NR6A1: variants seen among roughly 807,000 people sequenced by gnomAD.
The protein encoded by NR6A1 is nuclear receptor subfamily 6 group A member 1.
In NR6A1, 7 loss-of-function variants were observed where a neutral mutation model predicts 59.1. That is an observed-to-expected ratio of 0.12 (90% CI 0.07 to 0.22). The LOEUF is 0.22. NR6A1 is among the 10% of genes least tolerant of loss of function. The pLI is 1.00. For synonymous variants in NR6A1, 243 were observed against 236.1 expected (o/e 1.03, Z -0.27); for missense variants, 468 against 611.6 (o/e 0.77, Z 2.48).
At chr9:124,599,935 T>A (rs1835400012) in intron 2 of NR6A1, among the ~76,000 whole-genome samples, 1 of 152,244 alleles carries the variant, frequency 6.6e-6, no homozygotes, top group African/African-American at 2.4e-5. Context: ...AAATAGACGC[T>A]CTCAAAGATG....
At chr9:124,556,889 G>A (rs931467784) in intron 2 of NR6A1, among the ~76,000 whole-genome samples, 5 of 150,558 alleles carry the variant, frequency 3.3e-5, no homozygotes, top group Admixed American at 1.3e-4. Context: ...TTCGCAAACA[G>A]GGAAACAGGC....
intron 2 of NR6A1, among the ~76,000 whole-genome samples, chr9:124,573,755 T>C (rs1834514742): frequency 6.6e-6 from 1 of 152,130 alleles, no homozygotes; most frequent in Non-Finnish European, 1.5e-5. Context: ...ACATATACAA[T>C]GGAATAAGCA....
chr9:124,637,723 T>A (rs1836652211), intron 2 of NR6A1, among the ~76,000 whole-genome samples: 1 of 151,742 alleles, frequency 6.6e-6, no homozygotes, highest in South Asian at 2.1e-4. Context: ...AAACCCCATC[T>A]CTATTAAAAG....
At chr9:124,666,659 C>T (rs1837631418) in intron 2 of NR6A1, among the ~76,000 whole-genome samples, 1 of 152,122 alleles carries the variant, frequency 6.6e-6, no homozygotes, top group South Asian at 2.1e-4. Flanking sequence ...CAGAAAAATT[C>T]CTTTTGCCTG....
At chr9:124,568,169 C>CAAAAAAAAA (rs34652433) in intron 2 of NR6A1, among the ~76,000 whole-genome samples, 7 of 30,446 alleles carry the variant, frequency 2.3e-4, no homozygotes, top group African/African-American at 6.3e-4. Flanking sequence ...TACTTCATCT[C>CAAAAAAAAA]AAAAAAAAAA....
intron 2 of NR6A1, among the ~76,000 whole-genome samples, chr9:124,712,379 C>A (rs1034998256): frequency 1.8e-4 from 27 of 152,070 alleles, no homozygotes; most frequent in African/African-American, 6.3e-4. Flanking sequence ...GAGGCCGAGG[C>A]AAGGGGACCA....
intron 3 of NR6A1, among the ~76,000 whole-genome samples, chr9:124,547,832 A>G (rs1833645055): frequency 6.6e-6 from 1 of 152,212 alleles, no homozygotes; most frequent in Non-Finnish European, 1.5e-5. Flanking sequence ...ATTAAAAGAG[A>G]CTGAAAAGAC....
At chr9:124,755,194 A>G (rs1247958950) in intron 1 of NR6A1, among the ~76,000 whole-genome samples, 1 of 143,400 alleles carries the variant, frequency 7.0e-6, no homozygotes, top group African/African-American at 2.6e-5. Flanking sequence ...TTCAGGCAAA[A>G]GAGTATTTCA....
At chr9:124,525,017 G>T in intron 8 of NR6A1, 144 bp from the exon 9 acceptor site, 1 of 941,326 alleles carries the variant, frequency 1.1e-6, no homozygotes. Flanking sequence ...CTCTGATAGG[G>T]AGGAACTAAG....
At chr9:124,649,978 C>T (rs1837050380) in intron 2 of NR6A1, among the ~76,000 whole-genome samples, 1 of 152,146 alleles carries the variant, frequency 6.6e-6, no homozygotes, top group South Asian at 2.1e-4. Flanking sequence ...AACACTTCTA[C>T]ACTGTTGATG....
intron 2 of NR6A1, among the ~76,000 whole-genome samples, chr9:124,723,012 TA>T (rs770254835): frequency 1.6e-4 from 25 of 152,266 alleles, no homozygotes; most frequent in Non-Finnish European, 3.2e-4. Context: ...AAGTCTCTTT[TA>T]AAATACTCAT....
chr9:124,601,973 C>A (rs997375876), intron 2 of NR6A1, among the ~76,000 whole-genome samples: 2 of 152,148 alleles, frequency 1.3e-5, no homozygotes, highest in Non-Finnish European at 2.9e-5. Flanking sequence ...CTTGTGTTAA[C>A]AACCAAATGC....
At chr9:124,757,229 T>A (rs1232404687) in intron 1 of NR6A1, among the ~76,000 whole-genome samples, 1 of 151,822 alleles carries the variant, frequency 6.6e-6, no homozygotes, top group Non-Finnish European at 1.5e-5. Context: ...TCCCCCAAAA[T>A]AAGCCAAGAT....
chr9:124,527,429 T>A (rs1213734779), intron 7 of NR6A1, among the ~76,000 whole-genome samples: 1 of 152,186 alleles, frequency 6.6e-6, no homozygotes, highest in African/African-American at 2.4e-5. Context: ...TTATGCATAG[T>A]GAAAATTTTT....
chr9:124,602,995 C>T (rs1424132706), intron 2 of NR6A1, among the ~76,000 whole-genome samples: 3 of 152,086 alleles, frequency 2.0e-5, no homozygotes, highest in Non-Finnish European at 4.4e-5. Context: ...TTATAGTTTC[C>T]ACTCCCACTT....
intron 2 of NR6A1, among the ~76,000 whole-genome samples, chr9:124,705,773 C>T (rs1333754730): frequency 2.2e-5 from 3 of 136,652 alleles, no homozygotes; most frequent in African/African-American, 7.7e-5. Flanking sequence ...TACACCATTT[C>T]AATCCCCCCT....
At chr9:124,706,932 A>T (rs896312940) in intron 2 of NR6A1, among the ~76,000 whole-genome samples, 3 of 151,630 alleles carry the variant, frequency 2.0e-5, no homozygotes, top group Non-Finnish European at 2.9e-5. Flanking sequence ...ATAATGGATC[A>T]TTTTTTTTCT....
At chr9:124,748,545 C>A (rs759538762) in intron 1 of NR6A1, among the ~76,000 whole-genome samples, 1 of 152,120 alleles carries the variant, frequency 6.6e-6, no homozygotes, top group African/African-American at 2.4e-5. Flanking sequence ...GGCATTTCCC[C>A]GATCTAAAAA....
rs556034965 is a variant in NR6A1 at position 124,682,934 on chromosome 9, A to G, written c.142+50374T>C. Among the ~76,000 whole-genome samples, 91 of 152,336 alleles carry G rather than the reference A, an allele frequency of 6.0e-4. 1 individual carries two copies. The South Asian group carries it at 0.018, about 30-fold the overall frequency. Reference sequence around the variant, plus strand: ...AAGACTTGAATCCAAGGACTGGCACAGTGGCTCATGCCTGTAATCCCAGCA... The same window carrying G: ...AAGACTTGAATCCAAGGACTGGCACGGTGGCTCATGCCTGTAATCCCAGCA... On this transcript the variant is annotated intron_variant, in intron 2 of 9. Coordinates refer to ENST00000487099, the MANE Select transcript of NR6A1 (RefSeq NM_033334.4).
Sources: allele counts gnomAD v4.1 joint callset (sites outside exome capture counted in the v4.1 genomes callset), GRCh38; gene constraint gnomAD v4.1.1; transcripts MANE v1.5; gene names NCBI Gene and HGNC (gene_info 2026-07-23, HGNC 2026-07-21).